Variants in IL1RAPL1 observed in about 807,000 individuals in gnomAD.
IL1RAPL1 encodes the protein interleukin 1 receptor accessory protein like 1.
In IL1RAPL1, 3 loss-of-function variants were observed where a neutral mutation model predicts 48.4. The observed-to-expected ratio is 0.06, with a 90% CI of 0.03 to 0.16. The LOEUF is 0.16. Among genes scored for constraint, IL1RAPL1 ranks in the 10% least tolerant of loss-of-function variants. The pLI is 1.00. For synonymous variants in IL1RAPL1, 185 were observed against 187.7 expected, an observed-to-expected ratio of 0.99 and a Z score of 0.12; for missense variants, 349 against 530.6, an observed-to-expected ratio of 0.66 and a Z score of 3.36.
At chrX:28,644,430 C>T (rs1934584194) in intron 1 of IL1RAPL1, among the ~76,000 whole-genome samples, 1 of 111,675 alleles carries the variant, frequency 9.0e-6, no homozygotes, top group African/African-American at 3.3e-5. Flanking sequence ...GAAAAGAAAA[C>T]TTTGCCCCTG....
chrX:29,095,301 C>A (rs1452167443), intron 2 of IL1RAPL1, among the ~76,000 whole-genome samples: 1 of 111,334 alleles, frequency 9.0e-6, no homozygotes, highest in Non-Finnish European at 1.9e-5. Flanking sequence ...GCAATTCTTA[C>A]TATATTAGTC....
intron 2 of IL1RAPL1, among the ~76,000 whole-genome samples, chrX:28,915,306 C>A (rs975399523): frequency 1.8e-5 from 2 of 111,196 alleles, no homozygotes; most frequent in Admixed American, 9.6e-5. Flanking sequence ...GGGAACCCTG[C>A]TCTGGATTCT....
At chrX:28,703,714 A>G (rs912439610) in intron 1 of IL1RAPL1, among the ~76,000 whole-genome samples, 1 of 111,857 alleles carries the variant, frequency 8.9e-6, no homozygotes, top group African/African-American at 3.2e-5. Context: ...TTCTCCCATT[A>G]GTGAGAGCAA....
At chrX:29,385,490 A>G (rs1157456346) in intron 3 of IL1RAPL1, among the ~76,000 whole-genome samples, 2 of 112,299 alleles carry the variant, frequency 1.8e-5, no homozygotes, top group African/African-American at 3.2e-5. Flanking sequence ...TTTACCCATG[A>G]AACACTAACT....
At chrX:29,231,985 A>G (rs1316386907) in intron 2 of IL1RAPL1, among the ~76,000 whole-genome samples, 1 of 111,892 alleles carries the variant, frequency 8.9e-6, no homozygotes, top group Non-Finnish European at 1.9e-5. Context: ...TAGAACAACA[A>G]GATAATGAGT....
chrX:28,622,703 C>G (rs1179641829), intron 1 of IL1RAPL1, among the ~76,000 whole-genome samples: 3 of 111,922 alleles, frequency 2.7e-5, no homozygotes, highest in African/African-American at 9.7e-5. Context: ...ATTCTAATCA[C>G]AGCTGTTTTC....
intron 2 of IL1RAPL1, among the ~76,000 whole-genome samples, chrX:29,177,113 C>G (rs1052302975): frequency 9.0e-6 from 1 of 111,285 alleles, no homozygotes; most frequent in African/African-American, 3.3e-5. Flanking sequence ...ACTGTATAGT[C>G]AACTGAGCTG....
At chrX:28,815,514 A>G (rs761474291) in intron 2 of IL1RAPL1, among the ~76,000 whole-genome samples, 78 of 108,387 alleles carry the variant, frequency 7.2e-4, no homozygotes, top group Non-Finnish European at 1.7e-4. Context: ...ATTAATGTTA[A>G]CTGTAGTCAC....
chrX:29,270,420 G>C (rs945373732), intron 2 of IL1RAPL1, among the ~76,000 whole-genome samples: 8 of 111,698 alleles, frequency 7.2e-5, no homozygotes, highest in Non-Finnish European at 1.5e-4. Flanking sequence ...TTTACATTTG[G>C]ATCCATGATC....
chrX:29,349,495 G>C (rs748125179), intron 3 of IL1RAPL1, among the ~76,000 whole-genome samples: 1 of 111,810 alleles, frequency 8.9e-6, no homozygotes, highest in African/African-American at 3.2e-5. Context: ...GGGATAGAGA[G>C]ACAGGAGGGT....
chrX:28,747,778 A>G (rs981251414), intron 1 of IL1RAPL1, among the ~76,000 whole-genome samples: 23 of 111,866 alleles, frequency 2.1e-4, no homozygotes, highest in Non-Finnish European at 3.6e-4. Flanking sequence ...TTCCATAACT[A>G]TGTGTTCTGA....
intron 2 of IL1RAPL1, among the ~76,000 whole-genome samples, chrX:28,997,319 A>G (rs1350036015): frequency 1.8e-5 from 2 of 112,086 alleles, no homozygotes; most frequent in Admixed American, 1.9e-4. Context: ...TCTTAAGAAA[A>G]GTATTAAATC....
intron 3 of IL1RAPL1, among the ~76,000 whole-genome samples, chrX:29,323,571 C>T (rs1456962052): frequency 3.9e-5 from 4 of 101,466 alleles, no homozygotes; most frequent in Admixed American, 1.1e-4. Context: ...TGCTTCCGTC[C>T]CAGTTCCTTT....
At chrX:29,022,814 G>C in intron 2 of IL1RAPL1, among the ~76,000 whole-genome samples, 1 of 101,459 alleles carries the variant, frequency 9.9e-6, no homozygotes, top group South Asian at 5.6e-4. Flanking sequence ...AGATCCAATA[G>C]ATTAACTTTA....
intron 2 of IL1RAPL1, among the ~76,000 whole-genome samples, chrX:29,217,347 A>G (rs1323553969): frequency 8.9e-6 from 1 of 112,436 alleles, no homozygotes; most frequent in Non-Finnish European, 1.9e-5. Flanking sequence ...TCAAAAAGCC[A>G]TTGTTAAACA....
intron 2 of IL1RAPL1, among the ~76,000 whole-genome samples, chrX:28,932,210 A>G (rs1923902906): frequency 1.8e-5 from 2 of 110,906 alleles, no homozygotes; most frequent in South Asian, 7.5e-4. Context: ...TTCTACTTAC[A>G]TTCAGTGTGT....
intron 6 of IL1RAPL1, among the ~76,000 whole-genome samples, chrX:29,805,240 G>A (rs1472830759): frequency 6.3e-5 from 7 of 111,703 alleles, no homozygotes; most frequent in African/African-American, 3.3e-5. Context: ...ATTACACTGG[G>A]ACACATGTAC....
At chrX:29,883,659 C>G (rs1004575968) in intron 6 of IL1RAPL1, among the ~76,000 whole-genome samples, 5 of 111,657 alleles carry the variant, frequency 4.5e-5, no homozygotes. Flanking sequence ...AAGATTGGAA[C>G]AGAGCAGCTT....
chrX:29,616,661 AG>A (rs770171867), intron 5 of IL1RAPL1, among the ~76,000 whole-genome samples: 1 of 110,675 alleles, frequency 9.0e-6, no homozygotes, highest in Admixed American at 9.7e-5. Flanking sequence ...GGGATTCTTT[AG>A]GGAAGCCAGG....
Sources: allele counts gnomAD v4.1 joint callset (sites outside exome capture counted in the v4.1 genomes callset), GRCh38; gene constraint gnomAD v4.1.1; transcripts MANE v1.5; gene names NCBI Gene and HGNC (gene_info 2026-07-23, HGNC 2026-07-21).